PTPRN2: variants seen among roughly 807,000 people sequenced by gnomAD.
PTPRN2 encodes receptor-type tyrosine-protein phosphatase N2.
Under a neutral mutation model 118.8 loss-of-function variants are expected in PTPRN2, and 74 were observed. The ratio of observed to expected loss-of-function variants is 0.62; its 90% confidence interval spans 0.52 to 0.76. The LOEUF (loss-of-function observed/expected upper bound fraction) is 0.76. Ranked by LOEUF, PTPRN2 falls within the 30% of genes least tolerant of loss-of-function variation. The pLI, the probability that PTPRN2 is intolerant of heterozygous loss-of-function variation, is 0.00. For synonymous variants in PTPRN2, 641 were observed against 608.0 expected, an observed-to-expected ratio of 1.05 and a Z score of -0.80; for missense variants, 1,481 against 1,394.4, an observed-to-expected ratio of 1.06 and a Z score of -0.99.
rs1023459125 is a variant in PTPRN2, at chr7:158,517,656, C to T, written c.113-27871G>A. Among the ~76,000 whole-genome samples, 1 of 152,200 alleles carries T rather than the reference C, an allele frequency of 6.6e-6. No individual in the cohort carries two copies. Among genetic ancestry groups the T allele is most frequent in the Non-Finnish European group, 1.5e-5 (1 of 68,034 alleles). ...CAGTCCCCTGCCTTTAGGGTGGAGT[C>T]CAAGCCAGCCTCATGGACAGCGTCT... On this transcript the variant is annotated intron_variant, in intron 1 of 22. Coordinates refer to ENST00000389418, the MANE Select transcript of PTPRN2 (RefSeq NM_002847.5). The surrounding 1 kb of genome is among the most constrained non-coding windows in gnomAD (Gnocchi z 5.3).
chr7:157,627,107 C>T lies in PTPRN2; in HGVS notation c.2197-5598G>A, dbSNP rs1803632328. On this transcript the variant is annotated intron_variant, in intron 14 of 22. Coordinates refer to ENST00000389418, the MANE Select transcript of PTPRN2 (RefSeq NM_002847.5). The surrounding 1 kb of genome is among the most constrained non-coding windows in gnomAD (Gnocchi z 4.2). Reference sequence around the variant, plus strand: ...CTCCCTCATTCTCCACAGTCCAGGTCCCAGGTGGGGTGCTCCATCTCCCCT... The same window carrying T: ...CTCCCTCATTCTCCACAGTCCAGGTTCCAGGTGGGGTGCTCCATCTCCCCT... 6.6e-6 allele frequency among the ~76,000 whole-genome samples: 1 copy of T among 152,226 alleles called. No homozygotes were observed. Among genetic ancestry groups the T allele is most frequent in the African/African-American group, 2.4e-5 (1 of 41,460 alleles).
At chr7:158,183,964 C>T (rs1477335946) in intron 5 of PTPRN2, among the ~76,000 whole-genome samples, 3 of 152,008 alleles carry the variant, frequency 2.0e-5, no homozygotes, top group Admixed American at 1.3e-4. Context: ...AAAAAAAATG[C>T]CCATTTTTAA....
chr7:158,023,068 C>G (rs577457659), intron 11 of PTPRN2, among the ~76,000 whole-genome samples: 3 of 152,202 alleles, frequency 2.0e-5, no homozygotes, highest in Admixed American at 1.3e-4. Context: ...CAAAGCAGAA[C>G]GGTGGCTGTT....
chr7:158,341,918 G>A (rs1431333306), intron 2 of PTPRN2, among the ~76,000 whole-genome samples: 1 of 129,484 alleles, frequency 7.7e-6, no homozygotes, highest in African/African-American at 3.0e-5. Flanking sequence ...ACCTGCAGAC[G>A]TCACTCACAC....
rs537894969 is a variant in PTPRN2 at position 158,430,535 on chromosome 7, C to T, written c.163+59200G>A. On this transcript the variant is annotated intron_variant, in intron 2 of 22. Coordinates refer to ENST00000389418, the MANE Select transcript of PTPRN2 (RefSeq NM_002847.5). ...GCGGCACCCCCTCCCTGTGGATTCC[C>T]GCTCTGAGAGTCAAGATCACTGCAT... is the stretch of plus-strand genomic sequence containing the variant. Among the ~76,000 whole-genome samples the T allele has an allele frequency of 9.2e-5, 14 of 152,362 alleles. No individual in the cohort carries two copies. The South Asian group carries it at 2.1e-3, about 23-fold the overall frequency.
intron 2 of PTPRN2, among the ~76,000 whole-genome samples, chr7:158,333,599 C>A (rs62480905): frequency 0.15 from 17,498 of 118,240 alleles, 128 homozygotes; most frequent in African/African-American, 0.23. Context: ...CACACACACC[C>A]ACACTCTCAC....
intron 22 of PTPRN2, among the ~76,000 whole-genome samples, chr7:157,541,365 G>A (rs375109945): frequency 4.0e-4 from 61 of 152,358 alleles, no homozygotes; most frequent in East Asian, 1.7e-3. Flanking sequence ...CCTGGCTCAG[G>A]GCATGCGCGT....
intron 12 of PTPRN2, among the ~76,000 whole-genome samples, chr7:157,717,127 C>G (rs1038292412): frequency 1.3e-5 from 2 of 152,258 alleles, no homozygotes; most frequent in African/African-American, 4.8e-5. Context: ...TCTCACTGCA[C>G]GGGGACTCAC....
At chr7:157,886,070 G>A (rs545647599) in intron 12 of PTPRN2, among the ~76,000 whole-genome samples, 1 of 152,338 alleles carries the variant, frequency 6.6e-6, no homozygotes, top group South Asian at 2.1e-4. Context: ...CTGATGGGTT[G>A]ACCCACTGAA....
At chr7:157,589,207 T>C (rs2021743) in intron 17 of PTPRN2, among the ~76,000 whole-genome samples, 40,546 of 152,108 alleles carry the variant, frequency 0.27, 6,468 homozygotes, top group African/African-American at 0.43. Flanking sequence ...GGTGGAATGA[T>C]GGGAGGCTCA....
intron 19 of PTPRN2, among the ~76,000 whole-genome samples, chr7:157,571,770 C>A (rs1033717962): frequency 6.6e-6 from 1 of 152,212 alleles, no homozygotes; most frequent in Non-Finnish European, 1.5e-5. Flanking sequence ...GGACTCCCGG[C>A]CTGTCCTGCC....
At chr7:157,570,624 C>T (rs1799710777) in intron 20 of PTPRN2, among the ~76,000 whole-genome samples, 1 of 152,198 alleles carries the variant, frequency 6.6e-6, no homozygotes, top group Non-Finnish European at 1.5e-5. Context: ...TCTATTCTTA[C>T]TGGTGTGGTT....
chr7:158,273,130 C>CA (rs1798624021), intron 3 of PTPRN2, among the ~76,000 whole-genome samples: 2 of 152,034 alleles, frequency 1.3e-5, no homozygotes, highest in African/African-American at 4.8e-5. Context: ...GGACTCAGGC[C>CA]CCAGCTGCAG....
At chr7:158,205,004 T>C (rs1298455714) in intron 4 of PTPRN2, among the ~76,000 whole-genome samples, 167 bp downstream of exon 4, 1 of 152,208 alleles carries the variant, frequency 6.6e-6, no homozygotes, top group African/African-American at 2.4e-5. Flanking sequence ...CTTTCTCTCA[T>C]GGGAACCAAA....
chr7:158,067,266 G>T (rs964615558), intron 11 of PTPRN2, among the ~76,000 whole-genome samples: 3 of 152,246 alleles, frequency 2.0e-5, no homozygotes, highest in African/African-American at 7.2e-5. Context: ...CAGAGGGGCC[G>T]TTTCCAATGC....
intron 10 of PTPRN2, among the ~76,000 whole-genome samples, chr7:158,109,656 CT>C (rs1563447047): frequency 6.7e-6 from 1 of 148,840 alleles, no homozygotes; most frequent in Non-Finnish European, 1.5e-5. Context: ...GATGTCACCC[CT>C]GTGTGAAAGG....
intron 12 of PTPRN2, among the ~76,000 whole-genome samples, chr7:157,818,702 T>C (rs1806597298): frequency 6.6e-6 from 1 of 152,080 alleles, no homozygotes; most frequent in Non-Finnish European, 1.5e-5. Context: ...ATGAAGACAA[T>C]ATAGTATTTA....
At chr7:157,852,290 CAATTATGAAAACA>C (rs1322589184) in intron 12 of PTPRN2, among the ~76,000 whole-genome samples, 1 of 152,134 alleles carries the variant, frequency 6.6e-6, no homozygotes, top group African/African-American at 2.4e-5. Flanking sequence ...CTGTTGAAAA[CAATTATGAAAACA>C]AGCATTAAAT....
intron 12 of PTPRN2, among the ~76,000 whole-genome samples, chr7:157,701,253 T>A (rs1214152432): frequency 6.6e-6 from 1 of 152,174 alleles, no homozygotes; most frequent in African/African-American, 2.4e-5. Context: ...ACTGAGGGCA[T>A]GTTTCACAGG....
Sources: gnomAD v4.1 joint callset for allele counts (sites outside exome capture counted in the v4.1 genomes callset) on GRCh38, gnomAD v4.1.1 for gene constraint, Gnocchi (gnomAD v3.1) non-coding constraint, MANE v1.5 for transcripts, NCBI Gene and HGNC (gene_info 2026-07-23, HGNC 2026-07-21) for gene names.